The following TMEM200A variants were observed in gnomAD, a reference collection of about 807,000 sequenced individuals.
TMEM200A encodes two transmembrane C.
TMEM200A carries 12 observed loss-of-function variants against 24.3 expected under a neutral mutation model. That is an observed-to-expected ratio of 0.49 (90% CI 0.32 to 0.80). The LOEUF (loss-of-function observed/expected upper bound fraction) is 0.80. Among genes scored for constraint, TMEM200A ranks in the 30% least tolerant of loss-of-function variants. The pLI, the probability that TMEM200A is intolerant of heterozygous loss-of-function variation, is 0.04. For synonymous variants in TMEM200A, 224 were observed against 224.4 expected (o/e 1.00, Z 0.02); for missense variants, 545 against 614.4 (o/e 0.89, Z 1.19).
intron 1 of TMEM200A, among the ~76,000 whole-genome samples, chr6:130,374,249 T>C (rs1375009148): frequency 1.3e-5 from 2 of 152,148 alleles, no homozygotes; most frequent in African/African-American, 4.8e-5. Context: ...TAGGTCCTAG[T>C]AGTCATGGAG....
intron 1 of TMEM200A, chr6:130,382,043 T>C: frequency 1.1e-6 from 1 of 870,330 alleles, no homozygotes; most frequent in South Asian, 5.3e-5. Flanking sequence ...CTACTTATGA[T>C]TCAGTTGAGA....
chr6:130,437,370 ACCT>A (rs1242223809), intron 2 of TMEM200A: 3 of 152,274 alleles, frequency 2.0e-5, no homozygotes, highest in Admixed American at 2.0e-4. Flanking sequence ...TCTAGGAGTT[ACCT>A]CATTCTGTTT....
chr6:130,377,499 T>C (rs1778487817), intron 1 of TMEM200A, among the ~76,000 whole-genome samples: 1 of 152,116 alleles, frequency 6.6e-6, no homozygotes, highest in Non-Finnish European at 1.5e-5. Context: ...CATCCCTACC[T>C]AGAACCCCAT....
At chr6:130,397,897 A>T (rs114389629) in intron 2 of TMEM200A, among the ~76,000 whole-genome samples, 4,138 of 151,548 alleles carry the variant, frequency 0.027, 67 homozygotes, top group African/African-American at 0.042. Flanking sequence ...TTTAAAATAT[A>T]GTAATATTTT....
intron 1 of TMEM200A, among the ~76,000 whole-genome samples, chr6:130,371,158 G>A (rs1385719237): frequency 1.3e-5 from 2 of 152,142 alleles, no homozygotes; most frequent in African/African-American, 2.4e-5. Flanking sequence ...AGACTAGGAA[G>A]ACATCCTGGG....
chr6:130,440,684 G>A lies in TMEM200A; in HGVS notation c.262G>A (p.Glu88Lys), dbSNP rs1302574537. The change falls in exon 3 of 3, where the codon GAA becomes AAA. Residue 88 changes from glutamate to lysine, a missense_variant. Coordinates refer to ENST00000296978, the MANE Select transcript of TMEM200A (RefSeq NM_001258277.2). ...MAVLGYWPQKEHFIDAETTLS... is the reference protein window; with the variant it reads ...MAVLGYWPQKKHFIDAETTLS... Reference sequence around the variant, plus strand: ...CGTTCTTGGATATTGGCCCCAAAAAGAACATTTTATTGATGCTGAAACAAC... The same window carrying A: ...CGTTCTTGGATATTGGCCCCAAAAAAAACATTTTATTGATGCTGAAACAAC... The A allele has an allele frequency of 6.2e-7, 1 of 1,613,990 alleles. No homozygotes were observed. Among genetic ancestry groups the A allele is most frequent in the Non-Finnish European group, 8.5e-7 (1 of 1,179,888 alleles).
intron 2 of TMEM200A, among the ~76,000 whole-genome samples, chr6:130,426,578 C>T (rs1262178412): frequency 6.6e-6 from 1 of 151,688 alleles, no homozygotes; most frequent in South Asian, 2.1e-4. Flanking sequence ...AGAAAGAAGC[C>T]GTTTCCATCT....
chr6:130,436,225 T>A (rs749003501), intron 2 of TMEM200A, among the ~76,000 whole-genome samples: 9 of 152,142 alleles, frequency 5.9e-5, no homozygotes, highest in Admixed American at 2.0e-4. Flanking sequence ...AAAATAGATA[T>A]TACAATTATT....
At chr6:130,389,125 T>C (rs1047694916) in intron 2 of TMEM200A, among the ~76,000 whole-genome samples, 4 of 152,144 alleles carry the variant, frequency 2.6e-5, no homozygotes, top group African/African-American at 9.7e-5. Context: ...GAACTATAGA[T>C]TGTTAGATTT....
chr6:130,385,861 CA>C (rs1434536817), intron 2 of TMEM200A, among the ~76,000 whole-genome samples: 2 of 152,076 alleles, frequency 1.3e-5, no homozygotes, highest in African/African-American at 4.8e-5. Context: ...TGCCCTTTGG[CA>C]AAAGGTGCCT....
At chr6:130,397,235 A>G (rs2115122416) in intron 2 of TMEM200A, among the ~76,000 whole-genome samples, 1 of 152,250 alleles carries the variant, frequency 6.6e-6, no homozygotes, top group East Asian at 1.9e-4. Context: ...TTACACATGT[A>G]AGATTTCCTA....
At chr6:130,383,593 C>T (rs568424882) in intron 1 of TMEM200A, among the ~76,000 whole-genome samples, 31 of 152,216 alleles carry the variant, frequency 2.0e-4, no homozygotes, top group East Asian at 1.7e-3. Context: ...TGATTTAAAA[C>T]GCTAGTAAGT....
chr6:130,395,346 T>C (rs1778928234), intron 2 of TMEM200A, among the ~76,000 whole-genome samples: 1 of 152,204 alleles, frequency 6.6e-6, no homozygotes, highest in African/African-American at 2.4e-5. Context: ...AATCAATCTG[T>C]AATTTTGGAG....
intron 2 of TMEM200A, among the ~76,000 whole-genome samples, chr6:130,421,723 A>T (rs1480601544): frequency 6.6e-6 from 1 of 152,126 alleles, no homozygotes. Flanking sequence ...GGTCACCACC[A>T]TTCTACTCTC....
intron 2 of TMEM200A, among the ~76,000 whole-genome samples, chr6:130,406,079 C>T (rs763057476): frequency 6.6e-6 from 1 of 152,160 alleles, no homozygotes; most frequent in Non-Finnish European, 1.5e-5. Flanking sequence ...ATCATTTCTC[C>T]TCCAGGATTT....
intron 2 of TMEM200A, among the ~76,000 whole-genome samples, chr6:130,404,477 T>G (rs1779160462): frequency 6.6e-6 from 1 of 152,180 alleles, no homozygotes; most frequent in African/African-American, 2.4e-5. Flanking sequence ...TGTCTTATTT[T>G]GAAAAATAAT....
At chr6:130,376,173 A>ATATTC (rs1264229648) in intron 1 of TMEM200A, among the ~76,000 whole-genome samples, 2 of 152,204 alleles carry the variant, frequency 1.3e-5, no homozygotes, top group African/African-American at 4.8e-5. Context: ...ACCATGTGGA[A>ATATTC]TATTCTACTT....
At chr6:130,400,107 T>C (rs183809159) in intron 2 of TMEM200A, among the ~76,000 whole-genome samples, 131 of 150,470 alleles carry the variant, frequency 8.7e-4, no homozygotes, top group African/African-American at 1.6e-3. Flanking sequence ...TATATATATA[T>C]ACACACACAC....
chr6:130,403,503 G>GA (rs1779134164), intron 2 of TMEM200A, among the ~76,000 whole-genome samples: 1 of 151,954 alleles, frequency 6.6e-6, no homozygotes, highest in East Asian at 1.9e-4. Flanking sequence ...AGAAGAGGCA[G>GA]ATTATATGCT....
Sources: allele counts gnomAD v4.1 joint callset (sites outside exome capture counted in the v4.1 genomes callset), GRCh38; gene constraint gnomAD v4.1.1; transcripts MANE v1.5; gene names NCBI Gene and HGNC (gene_info 2026-07-23, HGNC 2026-07-21).